Variants in GRM7 observed in about 807,000 individuals in gnomAD.
GRM7 encodes metabotropic glutamate receptor 7.
GRM7 carries 35 observed loss-of-function variants against 84.5 expected under a neutral mutation model. That is an observed-to-expected ratio of 0.41 (90% confidence interval 0.32 to 0.55). The LOEUF (loss-of-function observed/expected upper bound fraction) is 0.55. GRM7 is among the 20% of genes least tolerant of loss of function. The pLI, the probability that GRM7 is intolerant of heterozygous loss-of-function variation, is 0.19. For missense variants in GRM7, 1,003 were observed against 1,194.6 expected, an observed-to-expected ratio of 0.84 and a Z score of 2.36; for synonymous variants, 487 against 455.1, an observed-to-expected ratio of 1.07 and a Z score of -0.89.
chr3:7,272,737 CT>C (rs1008001904), intron 2 of GRM7, among the ~76,000 whole-genome samples: 21 of 150,360 alleles, frequency 1.4e-4, no homozygotes, highest in African/African-American at 4.2e-4. Context: ...TGTTCTTTGT[CT>C]TTTTTTTTCT....
intron 8 of GRM7, among the ~76,000 whole-genome samples, chr3:7,636,605 A>G (rs1698106061): frequency 6.6e-6 from 1 of 152,214 alleles, no homozygotes; most frequent in African/African-American, 2.4e-5. Flanking sequence ...AATGTAATTG[A>G]TCATTGGCAT....
At chr3:7,640,544 T>C (rs996043832) in intron 8 of GRM7, among the ~76,000 whole-genome samples, 6 of 152,200 alleles carry the variant, frequency 3.9e-5, no homozygotes, top group Non-Finnish European at 8.8e-5. Context: ...ATGTGATCCA[T>C]GTTGAAAATT....
At chr3:6,994,364 T>C (rs1430630010) in intron 1 of GRM7, among the ~76,000 whole-genome samples, 1 of 152,144 alleles carries the variant, frequency 6.6e-6, no homozygotes, top group Non-Finnish European at 1.5e-5. Context: ...CCTGAGCATG[T>C]TAGCTGGGAG....
intron 4 of GRM7, among the ~76,000 whole-genome samples, chr3:7,341,820 C>G (rs1175054178): frequency 6.6e-6 from 1 of 152,070 alleles, no homozygotes; most frequent in East Asian, 1.9e-4. Context: ...AGTTTAATAA[C>G]TTGCTCAAGT....
At chr3:7,424,847 C>T (rs146223509) in intron 5 of GRM7, among the ~76,000 whole-genome samples, 13 of 152,112 alleles carry the variant, frequency 8.5e-5, no homozygotes, top group Admixed American at 1.3e-4. Context: ...ACAAGTAAGA[C>T]GCTGAGCTAG....
chr3:7,224,989 C>A (rs1264774628), intron 2 of GRM7, among the ~76,000 whole-genome samples: 1 of 152,032 alleles, frequency 6.6e-6, no homozygotes, highest in South Asian at 2.1e-4. Context: ...AATATTTTTT[C>A]TTTAGTTTTT....
chr3:7,622,301 A>G (rs1358846844), intron 8 of GRM7, among the ~76,000 whole-genome samples: 1 of 152,072 alleles, frequency 6.6e-6, no homozygotes, highest in Non-Finnish European at 1.5e-5. Context: ...TTCCCTTCAT[A>G]TTGTCTCTAT....
intron 1 of GRM7, among the ~76,000 whole-genome samples, chr3:6,914,681 G>A (rs1013941945): frequency 7.1e-6 from 1 of 141,030 alleles, no homozygotes; most frequent in Non-Finnish European, 1.5e-5. Context: ...GATTACAGGT[G>A]TGAGCCACCG....
At chr3:7,055,537 T>A (rs1697190100) in intron 1 of GRM7, among the ~76,000 whole-genome samples, 1 of 149,920 alleles carries the variant, frequency 6.7e-6, no homozygotes, top group African/African-American at 2.5e-5. Context: ...ACACACACAT[T>A]TAAGACAGAG....
At chr3:7,362,404 A>G (rs1693704741) in intron 4 of GRM7, among the ~76,000 whole-genome samples, 1 of 152,144 alleles carries the variant, frequency 6.6e-6, no homozygotes, top group Non-Finnish European at 1.5e-5. Context: ...TATTCTTGAA[A>G]ATAATTATTA....
At chr3:7,417,552 A>T (rs1442867793) in intron 5 of GRM7, among the ~76,000 whole-genome samples, 1 of 152,160 alleles carries the variant, frequency 6.6e-6, no homozygotes, top group Non-Finnish European at 1.5e-5. Context: ...AAACACTAGA[A>T]CAGGCATGTT....
chr3:7,131,650 T>A (rs2125053630), intron 1 of GRM7, among the ~76,000 whole-genome samples: 1 of 145,788 alleles, frequency 6.9e-6, no homozygotes, highest in African/African-American at 2.6e-5. Context: ...AGTTAATTTT[T>A]GTATTTTTAG....
At chr3:7,127,841 A>T (rs1397688503) in intron 1 of GRM7, among the ~76,000 whole-genome samples, 2 of 152,088 alleles carry the variant, frequency 1.3e-5, no homozygotes, top group East Asian at 3.9e-4. Flanking sequence ...AATTTGGAAA[A>T]TTTTAAGAGA....
At chr3:7,626,176 C>T (rs900778672) in intron 8 of GRM7, among the ~76,000 whole-genome samples, 13 of 152,088 alleles carry the variant, frequency 8.5e-5, no homozygotes, top group Non-Finnish European at 1.9e-4. Flanking sequence ...GAGGGTCATC[C>T]AGCCTGAGCC....
chr3:7,590,060 G>A (rs1039214627), intron 8 of GRM7, among the ~76,000 whole-genome samples: 9 of 152,200 alleles, frequency 5.9e-5, no homozygotes, highest in East Asian at 1.9e-4. Flanking sequence ...CTACCACCCC[G>A]AGCTAGATAT....
intron 2 of GRM7, among the ~76,000 whole-genome samples, chr3:7,230,704 A>G (rs1697166013): frequency 6.6e-6 from 1 of 152,204 alleles, no homozygotes; most frequent in Admixed American, 6.5e-5. Context: ...TTTTCTTGTG[A>G]GGAGCGTTTG....
chr3:6,910,304 G>C (rs998879559), intron 1 of GRM7, among the ~76,000 whole-genome samples: 24 of 152,050 alleles, frequency 1.6e-4, no homozygotes, highest in Non-Finnish European at 5.9e-5. Flanking sequence ...AAATCCAGGT[G>C]GTATGACTTA....
chr3:7,469,571 C>T (rs553177469), intron 7 of GRM7, among the ~76,000 whole-genome samples: 2 of 152,138 alleles, frequency 1.3e-5, no homozygotes, highest in African/African-American at 4.8e-5. Flanking sequence ...GTTGCATCTG[C>T]CACCTACTTC....
At chr3:7,415,247 G>A (rs1696113796) in intron 5 of GRM7, 84 bp downstream of exon 5, 9 of 1,163,486 alleles carry the variant, frequency 7.7e-6, no homozygotes, top group Non-Finnish European at 1.0e-5. Flanking sequence ...AGGAAGCTTG[G>A]CTGGAGACAA....
Sources: gnomAD v4.1 joint callset for allele counts (sites outside exome capture counted in the v4.1 genomes callset) on GRCh38, gnomAD v4.1.1 for gene constraint, MANE v1.5 for transcripts, NCBI Gene and HGNC (gene_info 2026-07-23, HGNC 2026-07-21) for gene names.